The following BRD10 variants were observed in gnomAD, a reference collection of about 807,000 sequenced individuals.
BRD10 encodes uncharacterized bromodomain-containing protein 10.
the BRD10 span, among the ~76,000 whole-genome samples, chr9:5,937,027 C>T: frequency 7.3e-5 from 11 of 151,622 alleles, no homozygotes; most frequent in East Asian, 7.8e-4. Flanking sequence ...GTCAGGAGTT[C>T]GACACCAGCC....
the BRD10 span, among the ~76,000 whole-genome samples, chr9:5,983,962 T>TACACACACACACACACAC: frequency 7.7e-5 from 10 of 129,638 alleles, no homozygotes; most frequent in African/African-American, 2.6e-4. Context: ...GTATATGCAT[T>TACACACACACACACACAC]ACACACACAC....
chr9:5,989,914 TAG>T, the BRD10 span, among the ~76,000 whole-genome samples: 1 of 152,200 alleles, frequency 6.6e-6, no homozygotes, highest in Non-Finnish European at 1.5e-5. Flanking sequence ...TACACTAAAT[TAG>T]AATAACTTTG....
At chr9:5,977,669 A>C in the BRD10 span, among the ~76,000 whole-genome samples, 463 of 152,262 alleles carry the variant, frequency 3.0e-3, 4 homozygotes, top group African/African-American at 0.011. Context: ...TCCCGTCTCT[A>C]CTAAAAATAC....
the BRD10 span, among the ~76,000 whole-genome samples, chr9:5,964,744 A>G: frequency 7.3e-6 from 1 of 137,658 alleles, no homozygotes; most frequent in African/African-American, 2.7e-5. Context: ...TGATGAGTTC[A>G]TGTCCTTTGT....
the BRD10 span, chr9:6,007,970 G>A: frequency 7.7e-7 from 1 of 1,297,506 alleles, no homozygotes; most frequent in Non-Finnish European, 9.7e-7. Flanking sequence ...CCGCCGGCGG[G>A]GCGGGGTTAC....
the BRD10 span, among the ~76,000 whole-genome samples, chr9:5,881,828 G>A: frequency 6.6e-6 from 1 of 152,094 alleles, no homozygotes; most frequent in Admixed American, 6.5e-5. Context: ...CTACTTCCTA[G>A]GAAGTCACTA....
chr9:6,008,325 C>G, the BRD10 span: 1 of 985,014 alleles, frequency 1.0e-6, no homozygotes, highest in Non-Finnish European at 1.2e-6. Flanking sequence ...GGACGGGGCC[C>G]GGCGACAACT....
chr9:5,958,787 T>C, the BRD10 span, among the ~76,000 whole-genome samples: 24 of 152,264 alleles, frequency 1.6e-4, no homozygotes, highest in African/African-American at 5.1e-4. Flanking sequence ...ATATTAATCA[T>C]TGTTGCAAGT....
chr9:5,937,951 CCT>C, the BRD10 span, among the ~76,000 whole-genome samples: 4 of 152,130 alleles, frequency 2.6e-5, no homozygotes, highest in Admixed American at 6.6e-5. Context: ...ATCTAGGTCC[CCT>C]TTTTCATTAT....
chr9:5,887,045 G>A, the BRD10 span, among the ~76,000 whole-genome samples: 1 of 152,146 alleles, frequency 6.6e-6, no homozygotes, highest in African/African-American at 2.4e-5. Context: ...GACCACTAGA[G>A]GTCAGGAGTT....
the BRD10 span, among the ~76,000 whole-genome samples, chr9:5,951,207 G>C: frequency 2.0e-4 from 30 of 151,968 alleles, no homozygotes; most frequent in South Asian, 6.0e-3. Context: ...TATAAACATG[G>C]ATTCTTTCTG....
chr9:5,996,608 G>A, the BRD10 span, among the ~76,000 whole-genome samples: 1 of 152,096 alleles, frequency 6.6e-6, no homozygotes, highest in Non-Finnish European at 1.5e-5. Flanking sequence ...TGGGATTATA[G>A]GCATGAGCTA....
At chr9:5,949,709 T>A in the BRD10 span, among the ~76,000 whole-genome samples, 2 of 152,314 alleles carry the variant, frequency 1.3e-5, no homozygotes, top group African/African-American at 4.8e-5. Context: ...AAATTATTTT[T>A]AAAACTTATG....
chr9:5,969,184 T>C, the BRD10 span: 4 of 1,613,860 alleles, frequency 2.5e-6, no homozygotes, highest in African/African-American at 4.0e-5. Context: ...GGGGAGGACT[T>C]AATAGAGAAG....
chr9:5,969,350 G>C, the BRD10 span: 1 of 1,612,664 alleles, frequency 6.2e-7, no homozygotes, highest in Non-Finnish European at 8.5e-7. Flanking sequence ...ACAAGTTGGA[G>C]CTGCTTGAGC....
At chr9:5,950,528 C>A in the BRD10 span, among the ~76,000 whole-genome samples, 4 of 152,114 alleles carry the variant, frequency 2.6e-5, no homozygotes, top group African/African-American at 7.2e-5. Context: ...TTGTGTTTAA[C>A]CACTATGCAG....
the BRD10 span, chr9:5,928,968 G>C: frequency 1.4e-6 from 1 of 732,396 alleles, no homozygotes; most frequent in Non-Finnish European, 2.3e-6. Flanking sequence ...ACTACTAAAT[G>C]ATTCCAGGAC....
chr9:5,963,481 C>T, the BRD10 span, among the ~76,000 whole-genome samples: 4 of 146,074 alleles, frequency 2.7e-5, no homozygotes, highest in South Asian at 2.3e-4. Flanking sequence ...CCATACTGCC[C>T]AAGGTAATTT....
At chr9:5,886,327 G>C in the BRD10 span, among the ~76,000 whole-genome samples, 1 of 152,016 alleles carries the variant, frequency 6.6e-6, no homozygotes, top group African/African-American at 2.4e-5. Flanking sequence ...GCAAGGTCTA[G>C]CAGGTACAAA....
Sources: allele counts gnomAD v4.1 joint callset (sites outside exome capture counted in the v4.1 genomes callset), GRCh38; gene constraint gnomAD v4.1.1; transcripts MANE v1.5; gene names NCBI Gene and HGNC (gene_info 2026-07-23, HGNC 2026-07-21).